RASEF: variants seen among roughly 807,000 people sequenced by gnomAD.
RASEF encodes ras and EF-hand domain-containing protein.
A neutral mutation model predicts 90.1 loss-of-function variants in RASEF; 68 were observed. The ratio of observed to expected loss-of-function variants is 0.75; its 90% CI spans 0.62 to 0.92. The LOEUF is 0.92. Ranked by LOEUF, RASEF falls within the 40% of genes least tolerant of loss-of-function variation. The pLI is 0.00. For synonymous variants in RASEF, 331 were observed against 345.2 expected, an observed-to-expected ratio of 0.96 and a Z score of 0.46; for missense variants, 949 against 937.2, an observed-to-expected ratio of 1.01 and a Z score of -0.16.
chr9:83,198,559 T>C, the RASEF span, among the ~76,000 whole-genome samples: 1 of 152,268 alleles, frequency 6.6e-6, no homozygotes, highest in African/African-American at 2.4e-5. Context: ...CACAGGGAGA[T>C]ACAGAAGCCA....
chr9:83,180,446 G>A, the RASEF span, among the ~76,000 whole-genome samples: 1 of 151,488 alleles, frequency 6.6e-6, no homozygotes, highest in Non-Finnish European at 1.5e-5. Context: ...ATAGTAAATG[G>A]GGAAGCTCCT....
chr9:83,082,482 A>C, the RASEF span, among the ~76,000 whole-genome samples: 1 of 152,176 alleles, frequency 6.6e-6, no homozygotes, highest in African/African-American at 2.4e-5. Flanking sequence ...ACCCTATACC[A>C]CTTTTTTCTT....
At chr9:83,156,490 T>C in the RASEF span, among the ~76,000 whole-genome samples, 1 of 152,178 alleles carries the variant, frequency 6.6e-6, no homozygotes, top group Non-Finnish European at 1.5e-5. Flanking sequence ...CCCTCTTCTT[T>C]CCTAATTACA....
At chr9:83,021,244 A>C (rs1302093356) in intron 3 of RASEF, among the ~76,000 whole-genome samples, 1 of 152,196 alleles carries the variant, frequency 6.6e-6, no homozygotes, top group Non-Finnish European at 1.5e-5. Flanking sequence ...CATTTTAGAG[A>C]TGGAATAACA....
intron 16 of RASEF, among the ~76,000 whole-genome samples, chr9:82,983,559 C>T (rs994272083): frequency 3.9e-5 from 6 of 152,128 alleles, no homozygotes; most frequent in Non-Finnish European, 8.8e-5. Flanking sequence ...TGAGTGCCTC[C>T]CTAAGATGGC....
the RASEF span, among the ~76,000 whole-genome samples, chr9:83,213,387 G>A: frequency 1.4e-5 from 2 of 145,784 alleles, no homozygotes; most frequent in Admixed American, 6.8e-5. Flanking sequence ...GCAACAGAGC[G>A]AGACTTCATC....
At chr9:83,144,391 G>GAAAGAAAAGAAAGAAAGAAA in the RASEF span, among the ~76,000 whole-genome samples, 22 of 33,238 alleles carry the variant, frequency 6.6e-4, 1 homozygote, top group African/African-American at 1.5e-3. Context: ...AAGAAAGAAA[G>GAAAGAAAAGAAAGAAAGAAA]GAAAGAAAGA....
intron 2 of RASEF, 93 bp downstream of exon 2, chr9:83,025,682 T>A: frequency 7.9e-7 from 1 of 1,267,026 alleles, no homozygotes; most frequent in South Asian, 1.4e-5. Flanking sequence ...ACCTATATCA[T>A]AGTGTGACAA....
the RASEF span, among the ~76,000 whole-genome samples, chr9:83,134,791 T>G: frequency 1.3e-5 from 2 of 152,122 alleles, no homozygotes; most frequent in Non-Finnish European, 2.9e-5. Context: ...AACACATGTC[T>G]ACACAAAAAC....
intron 1 of RASEF, among the ~76,000 whole-genome samples, chr9:83,053,489 TCTTTATC>T: frequency 7.4e-6 from 1 of 134,798 alleles, no homozygotes; most frequent in Non-Finnish European, 1.5e-5. Flanking sequence ...GGGTCCTGAC[TCTTTATC>T]CAATTTGCCA....
intron 1 of RASEF, among the ~76,000 whole-genome samples, chr9:83,061,694 C>A (rs1237131927): frequency 7.9e-5 from 12 of 152,174 alleles, no homozygotes; most frequent in Non-Finnish European, 1.6e-4. Flanking sequence ...TGACTTGACA[C>A]GTTATTTCTG....
chr9:83,171,030 C>T, the RASEF span, among the ~76,000 whole-genome samples: 2 of 151,828 alleles, frequency 1.3e-5, no homozygotes, highest in Non-Finnish European at 1.5e-5. Context: ...TTCAATTTTT[C>T]CCCATTCAGT....
the RASEF span, among the ~76,000 whole-genome samples, chr9:83,165,770 A>C: frequency 1.2e-4 from 19 of 152,134 alleles, no homozygotes; most frequent in African/African-American, 3.1e-4. Flanking sequence ...ATAACTAAGA[A>C]AAAAGTGAGA....
the RASEF span, among the ~76,000 whole-genome samples, chr9:83,186,863 T>A: frequency 2.6e-5 from 4 of 152,062 alleles, no homozygotes; most frequent in South Asian, 2.1e-4. Context: ...TAAAAAAAAA[T>A]TTCTAGCTGG....
chr9:83,172,038 A>G, the RASEF span, among the ~76,000 whole-genome samples: 56 of 151,924 alleles, frequency 3.7e-4, no homozygotes, highest in African/African-American at 1.3e-3. Flanking sequence ...TTTTTGATGT[A>G]GGCATTTATT....
intron 16 of RASEF, among the ~76,000 whole-genome samples, chr9:82,987,952 G>A (rs1468821638): frequency 1.3e-5 from 2 of 152,186 alleles, no homozygotes; most frequent in Non-Finnish European, 2.9e-5. Flanking sequence ...TGCAAGGCTT[G>A]ATCTGCTGCA....
intron 7 of RASEF, among the ~76,000 whole-genome samples, 156 bp downstream of exon 7, chr9:83,007,281 G>C (rs1240874413): frequency 1.3e-5 from 2 of 152,132 alleles, no homozygotes; most frequent in East Asian, 1.9e-4. Context: ...AGAAAGCTAA[G>C]AGGAGATGCC....
the RASEF span, among the ~76,000 whole-genome samples, chr9:83,167,167 C>CA: frequency 6.6e-6 from 1 of 151,442 alleles, no homozygotes; most frequent in Non-Finnish European, 1.5e-5. Context: ...GTGCCTGACA[C>CA]AAAATCAGAC....
chr9:83,000,812 T>A (rs1564072580), intron 10 of RASEF, 84 bp downstream of exon 10: 1 of 1,221,468 alleles, frequency 8.2e-7, no homozygotes, highest in Non-Finnish European at 1.2e-6. Flanking sequence ...TTAAAACAGA[T>A]TTCCATGACA....
Sources: allele counts gnomAD v4.1 joint callset (sites outside exome capture counted in the v4.1 genomes callset), GRCh38; gene constraint gnomAD v4.1.1; transcripts MANE v1.5; gene names NCBI Gene and HGNC (gene_info 2026-07-23, HGNC 2026-07-21).